The following TLN1 variants were observed in gnomAD, a reference collection of about 807,000 sequenced individuals.
TLN1 encodes talin 1, also known as talin-1.
TLN1 carries 56 observed loss-of-function variants against 292.3 expected under a neutral mutation model. The observed-to-expected ratio is 0.19, with a 90% CI of 0.15 to 0.24. The LOEUF (loss-of-function observed/expected upper bound fraction) is 0.24. Among genes scored for constraint, TLN1 ranks in the 10% least tolerant of loss-of-function variants. TLN1 has a pLI of 1.00. For synonymous variants in TLN1, 1,119 were observed against 1,253.7 expected, an observed-to-expected ratio of 0.89 and a Z score of 2.27; for missense variants, 2,433 against 3,248.2, an observed-to-expected ratio of 0.75 and a Z score of 6.10.
intron 27 of TLN1, 38 bp downstream of exon 27, chr9:35,712,797 C>T: frequency 6.5e-7 from 1 of 1,530,896 alleles, no homozygotes. Context: ...TATGAAGGAA[C>T]CTGGGGGAGA....
chr9:35,724,521 C>A lies in TLN1; in HGVS notation c.511+51G>T. On this transcript the variant is annotated intron_variant, in intron 5 of 56. Coordinates refer to ENST00000314888, the MANE Select transcript of TLN1 (RefSeq NM_006289.4). The surrounding 1 kb of genome is among the most constrained non-coding windows in gnomAD (Gnocchi z 4.7). ...CCTGGCAGAAGCAGATGCTGAAGCCCCTTCCCACCCTTCCCATTTCAAAAG... is the reference window on the plus strand; with the variant it reads ...CCTGGCAGAAGCAGATGCTGAAGCCACTTCCCACCCTTCCCATTTCAAAAG... 1 of 1,592,440 alleles carries A rather than the reference C, an allele frequency of 6.3e-7. No homozygotes were observed. Among genetic ancestry groups the A allele is most frequent in the Non-Finnish European group, 8.6e-7 (1 of 1,168,974 alleles).
chr9:35,717,814 C>G lies in TLN1; in HGVS notation c.1996-28G>C, dbSNP rs759237584. On this transcript the variant is annotated intron_variant, in intron 17 of 56. Coordinates refer to ENST00000314888, the MANE Select transcript of TLN1 (RefSeq NM_006289.4). This position sits in a 1 kb window ranked among gnomAD's most constrained non-coding sequence, Gnocchi z 4.7. Reference sequence around the variant, plus strand: ...GTGAGAAAACAGCAGTTAGCATGACCTGAGATTGGGCTTGGGATTCACAGA... The same window carrying G: ...GTGAGAAAACAGCAGTTAGCATGACGTGAGATTGGGCTTGGGATTCACAGA... 1.3e-6 allele frequency: 2 copies of G among 1,582,908 alleles called. No individual in the cohort carries two copies. Among genetic ancestry groups the G allele is most frequent in the Non-Finnish European group, 1.7e-6 (2 of 1,157,988 alleles).
In TLN1 at chr9:35,697,746, C is replaced by A. The variant is rs776130687; in HGVS notation, c.*45G>T. 2 of 1,606,552 alleles carry A rather than the reference C, an allele frequency of 1.2e-6. No homozygotes were observed. Among genetic ancestry groups the A allele is most frequent in the East Asian group, 2.2e-5 (1 of 44,810 alleles). On this transcript the variant is annotated 3_prime_UTR_variant, in exon 57 of 57. Transcript: ENST00000314888. The stretch of plus-strand genomic sequence containing the variant: ...AGCCCAGAAGGCTTTGGTAGTGGCA[C>A]GCACAGTCTCTGGGCCGGGTCTGCA...
chr9:35,712,978 C>T lies in TLN1; in HGVS notation c.3418G>A (p.Ala1140Thr). 1 of 1,610,156 alleles carries T rather than the reference C, an allele frequency of 6.2e-7. No homozygotes were observed. The highest frequency in any genetic ancestry group is 1.1e-5 in the South Asian group (1 of 90,386). The change falls in exon 27 of 57, where the codon GCA (alanine) becomes ACA (threonine). Residue 1140 changes from alanine (A) to threonine (T), a missense_variant. Around this residue, in one of 7 missense-constraint regions of TLN1, gnomAD observed 1,384 missense variants for 1,699.6 expected, o/e 0.81. Coordinates refer to ENST00000314888, the MANE Select transcript of TLN1 (RefSeq NM_006289.4). ...TGCACTGCAGGATCTGACGTCAGTG[C>T]AGCGACTCCCCTAGCGGCCTGGGCC... Reference protein sequence around the residue: ...SLAQAARGVAALTSDPAVQAI... With the variant: ...SLAQAARGVATLTSDPAVQAI...
At chr9:35,710,730 C>T in intron 32 of TLN1, 47 bp from the exon 33 acceptor site, 1 of 1,613,172 alleles carries the variant, frequency 6.2e-7, no homozygotes, top group Non-Finnish European at 8.5e-7. Context: ...TCCTCAGAAC[C>T]CCAGGGCAGC....
chr9:35,700,241 T>C lies in TLN1; in HGVS notation c.6610A>G (p.Thr2204Ala), dbSNP rs74431517. ...NSCRQEDVIA[T>A]ANLSRRAIAD... ...ATAGCACGGCGGCTCAGATTGGCTG[T>C]GGCAATGACATCTTCCTGGCGACAG... The change falls in exon 49 of 57, where the codon ACA (threonine) becomes GCA (alanine). Residue 2204 changes from threonine to alanine, a missense_variant. This residue lies in a region of TLN1 where 1,384 missense variants were observed against 1,699.6 expected (regional missense o/e 0.81). Coordinates refer to ENST00000314888, the MANE Select transcript of TLN1 (RefSeq NM_006289.4). 6.2e-7 allele frequency: 1 copy of C among 1,612,712 alleles called. No individual in the cohort carries two copies. Among genetic ancestry groups the C allele is most frequent in the Non-Finnish European group, 8.5e-7 (1 of 1,178,776 alleles).
chr9:35,700,146 T>G (rs752137122), intron 49 of TLN1, 45 bp downstream of exon 49: 1 of 1,593,522 alleles, frequency 6.3e-7, no homozygotes, highest in African/African-American at 1.3e-5. Context: ...TCCCACTATG[T>G]TCTGGCCCAA....
At chr9:35,715,875 G>A (rs574539579) in intron 20 of TLN1, among the ~76,000 whole-genome samples, 8 of 152,318 alleles carry the variant, frequency 5.3e-5, no homozygotes, top group African/African-American at 1.7e-4. Context: ...ACCACTGTAG[G>A]ATGACTAAAG....
In TLN1 at chr9:35,717,650, A is replaced by G; in HGVS notation, c.2132T>C (p.Leu711Pro). The change falls in exon 18 of 57, where the codon CTA becomes CCA. Residue 711 changes from leucine (L) to proline (P), a missense_variant. This residue lies in a region of TLN1 where 617 missense variants were observed against 770.6 expected (regional missense o/e 0.80). Coordinates refer to ENST00000314888, the MANE Select transcript of TLN1 (RefSeq NM_006289.4). The surrounding 1 kb of genome is among the most constrained non-coding windows in gnomAD (Gnocchi z 4.7). ...QVIAAATQCA[L>P]STSQLVACTK... ...ACAGGCCACTAGTTGGGAAGTGGATAGGGCACACTGTGTTGCTGCAGCAAT... is the reference window on the plus strand; with the variant it reads ...ACAGGCCACTAGTTGGGAAGTGGATGGGGCACACTGTGTTGCTGCAGCAAT... The G allele has an allele frequency of 6.2e-7, 1 of 1,613,996 alleles. No homozygotes were observed. The highest frequency in any genetic ancestry group is 8.5e-7 in the Non-Finnish European group (1 of 1,179,884).
At chr9:35,701,581 A>T (rs900995114) in intron 48 of TLN1, among the ~76,000 whole-genome samples, 1 of 152,240 alleles carries the variant, frequency 6.6e-6, no homozygotes, top group African/African-American at 2.4e-5. Flanking sequence ...ACTCTAATTT[A>T]TATTTTAAAA....
chr9:35,700,882 C>T (rs1257409174), intron 48 of TLN1, among the ~76,000 whole-genome samples: 2 of 152,194 alleles, frequency 1.3e-5, no homozygotes, highest in East Asian at 3.8e-4. Context: ...AGCTAGGTGG[C>T]AGATTCTATG....
At position 35,714,364 on chromosome 9, in the gene TLN1, T is replaced by G; in HGVS notation, c.2995A>C (p.Lys999Gln). 6.2e-7 allele frequency: 1 copy of G among 1,610,878 alleles called. No individual in the cohort carries two copies. The highest frequency in any genetic ancestry group is 8.5e-7 in the Non-Finnish European group (1 of 1,178,318). ...GAGGCCTTTGCAGCTGCCACCATCT[T>G]CCCACCTGGCTGTTGGGGAATAGGC... ...ASQSFLQPGG[K>Q]MVAAAKASVP... Residue 999 changes from lysine to glutamine, a missense_variant, in exon 24 of 57, where the codon AAG becomes CAG. Coordinates refer to ENST00000314888, the MANE Select transcript of TLN1 (RefSeq NM_006289.4). The surrounding 1 kb of genome is among the most constrained non-coding windows in gnomAD (Gnocchi z 4.6).
Position 35,717,467 on chromosome 9 carries a change from G to C in TLN1, c.2164-27C>G. The C allele has an allele frequency of 1.9e-6, 3 of 1,602,490 alleles. No individual in the cohort carries two copies. The South Asian group carries it at 3.3e-5, about 18-fold the overall frequency. On this transcript the variant is annotated intron_variant, in intron 18 of 56. Transcript: ENST00000314888. This position sits in a 1 kb window ranked among gnomAD's most constrained non-coding sequence, Gnocchi z 4.7. ...TGTAGGTAAAGTGAATGTCAGAGAC[G>C]TAGGCAAGGGAAAGGAGGTAGAGTA...
In TLN1 at chr9:35,717,584, C is replaced by G; in HGVS notation, c.2163+35G>C. On this transcript the variant is annotated intron_variant, in intron 18 of 56. Transcript: ENST00000314888. This position sits in a 1 kb window ranked among gnomAD's most constrained non-coding sequence, Gnocchi z 4.7. ...CTCACGTGTGTGTGGTAGTATTACC[C>G]CTCAGCACGGACTAGAGCAACCTTT... The G allele has an allele frequency of 6.3e-7, 1 of 1,595,178 alleles. No individual in the cohort carries two copies. The highest frequency in any genetic ancestry group is 8.6e-7 in the Non-Finnish European group (1 of 1,165,512).
chr9:35,703,948 C>T (rs760497303), intron 46 of TLN1, 43 bp downstream of exon 46: 1 of 1,613,112 alleles, frequency 6.2e-7, no homozygotes, highest in Non-Finnish European at 8.5e-7. Flanking sequence ...AGAAGCGGGA[C>T]AGGAAGTGAT....
Position 35,719,596 on chromosome 9 carries a change from T to C in TLN1, c.1610A>G (p.Asp537Gly). 6.2e-7 allele frequency: 1 copy of C among 1,614,242 alleles called. No individual in the cohort carries two copies. ...AGAGTGGATCTCATGCTTTGATTCA[T>C]CCATCTTGTTTTTACGCCAGGCCTT... ...ASKAWRKNKM[D>G]ESKHEIHSQV... Residue 537 changes from aspartate (D) to glycine (G), a missense_variant, in exon 15 of 57, where the codon GAT (aspartate) becomes GGT (glycine). Physicochemically the swap from Asp to Gly is moderately conservative, Grantham distance 94. Around this residue, in one of 7 missense-constraint regions of TLN1, gnomAD observed 617 missense variants for 770.6 expected, o/e 0.80. Transcript: ENST00000314888. This position sits in a 1 kb window ranked among gnomAD's most constrained non-coding sequence, Gnocchi z 4.6.
chr9:35,703,451 A>C, intron 48 of TLN1, 109 bp downstream of exon 48: 3 of 1,068,040 alleles, frequency 2.8e-6, no homozygotes, highest in Non-Finnish European at 4.3e-6. Context: ...TAGATGAGAG[A>C]GAAGACTGTG....
At chr9:35,713,871 A>G (rs1825725668) in intron 25 of TLN1, 82 bp downstream of exon 25, 1 of 1,437,070 alleles carries the variant, frequency 7.0e-7, no homozygotes, top group Admixed American at 2.2e-5. Context: ...GGAAGGAAGG[A>G]AAGGTTTTGA....
In TLN1 at chr9:35,705,669, A is replaced by G; in HGVS notation, c.5615T>C (p.Val1872Ala). 1 of 1,611,446 alleles carries G rather than the reference A, an allele frequency of 6.2e-7. No homozygotes were observed. The highest frequency in any genetic ancestry group is 8.5e-7 in the Non-Finnish European group (1 of 1,177,692). The change falls in exon 43 of 57, where the codon GTT becomes GCT. Residue 1872 changes from valine to alanine, a missense_variant and splice_region_variant. Around this residue, in one of 7 missense-constraint regions of TLN1, gnomAD observed 1,384 missense variants for 1,699.6 expected, o/e 0.81. Coordinates refer to ENST00000314888, the MANE Select transcript of TLN1 (RefSeq NM_006289.4). ...CTCTGGGCTGGTGTTTGACTTGGTA[A>G]CCTGGTGATAATGGAACGAGTGAAG... ...KAIAVTVQEM[V>A]TKSNTSPEEL...
Sources: gnomAD v4.1 joint callset for allele counts (sites outside exome capture counted in the v4.1 genomes callset) on GRCh38, gnomAD v4.1.1 for gene constraint, gnomAD v4.1.1 regional missense constraint, Gnocchi (gnomAD v3.1) non-coding constraint, MANE v1.5 for transcripts, NCBI Gene and HGNC (gene_info 2026-07-23, HGNC 2026-07-21) for gene names.